Variants in RNLS observed in about 807,000 individuals in gnomAD.
RNLS encodes renalase.
Under a neutral mutation model 39.8 loss-of-function variants are expected in RNLS, and 39 were observed. The ratio of observed to expected loss-of-function variants is 0.98; its 90% confidence interval spans 0.76 to 1.28. The LOEUF is 1.28. Among genes scored for constraint, RNLS ranks in the 50% most tolerant of loss-of-function variants. RNLS has a pLI of 0.00. For missense variants in RNLS, 410 were observed against 413.3 expected (o/e 0.99, Z 0.07); for synonymous variants, 147 against 150.7 (o/e 0.98, Z 0.18).
At chr10:88,365,990 C>T (rs1291032098) in intron 4 of RNLS, among the ~76,000 whole-genome samples, 1 of 152,106 alleles carries the variant, frequency 6.6e-6, no homozygotes, top group Non-Finnish European at 1.5e-5. Context: ...TTCATCCATC[C>T]ATCCATCCAT....
chr10:88,336,606 T>C (rs1847519291), intron 5 of RNLS, among the ~76,000 whole-genome samples: 1 of 152,254 alleles, frequency 6.6e-6, no homozygotes, highest in African/African-American at 2.4e-5. Context: ...TATACAAGTT[T>C]AGGAAATAAT....
intron 4 of RNLS, among the ~76,000 whole-genome samples, chr10:88,515,385 G>A (rs774601391): frequency 2.0e-5 from 3 of 152,060 alleles, no homozygotes; most frequent in Non-Finnish European, 4.4e-5. Flanking sequence ...ATTATGCCAT[G>A]TCTTTCCCAT....
At chr10:88,252,093 A>G in the RNLS span, among the ~76,000 whole-genome samples, 1 of 152,232 alleles carries the variant, frequency 6.6e-6, no homozygotes, top group Non-Finnish European at 1.5e-5. Context: ...CAGGTACACT[A>G]GCAAACTGCT....
chr10:88,525,250 C>T (rs546501524), intron 4 of RNLS, among the ~76,000 whole-genome samples: 17 of 151,476 alleles, frequency 1.1e-4, no homozygotes, highest in Admixed American at 3.3e-4. Flanking sequence ...CTATGGAACA[C>T]GAGAGAACCT....
the RNLS span, among the ~76,000 whole-genome samples, chr10:88,255,889 G>A: frequency 6.6e-6 from 1 of 152,234 alleles, no homozygotes; most frequent in Non-Finnish European, 1.5e-5. Context: ...TGGAGGGAAA[G>A]CAGCCCTGTG....
intron 4 of RNLS, among the ~76,000 whole-genome samples, chr10:88,417,559 T>C (rs964466835): frequency 6.6e-6 from 1 of 152,194 alleles, no homozygotes; most frequent in African/African-American, 2.4e-5. Context: ...TAATACAGCA[T>C]GTTTCCCAAA....
intron 4 of RNLS, among the ~76,000 whole-genome samples, chr10:88,484,952 T>C (rs565550247): frequency 1.3e-5 from 2 of 152,132 alleles, no homozygotes; most frequent in East Asian, 3.9e-4. Context: ...ATATATCTCA[T>C]ATATTTTGTC....
chr10:88,569,480 C>G (rs1241690042), intron 4 of RNLS, among the ~76,000 whole-genome samples: 1 of 152,144 alleles, frequency 6.6e-6, no homozygotes, highest in Non-Finnish European at 1.5e-5. Flanking sequence ...TGTCAATTCA[C>G]ATTCCTGGCA....
At chr10:88,479,632 A>G (rs1309671405) in intron 4 of RNLS, among the ~76,000 whole-genome samples, 1 of 152,078 alleles carries the variant, frequency 6.6e-6, no homozygotes, top group Non-Finnish European at 1.5e-5. Context: ...ACAGCTGTTG[A>G]TTCTTAGCCT....
intron 4 of RNLS, among the ~76,000 whole-genome samples, chr10:88,522,777 T>G (rs1243915609): frequency 6.6e-6 from 1 of 152,108 alleles, no homozygotes; most frequent in African/African-American, 2.4e-5. Context: ...CACCATTTAT[T>G]TAACCTAAGA....
chr10:88,496,709 G>C (rs756053127), intron 4 of RNLS, among the ~76,000 whole-genome samples: 1 of 152,078 alleles, frequency 6.6e-6, no homozygotes, highest in Non-Finnish European at 1.5e-5. Context: ...AGAGGAGAAG[G>C]GTTAAAGCTG....
chr10:88,299,913 A>G (rs1414028535), intron 6 of RNLS, among the ~76,000 whole-genome samples: 2 of 152,264 alleles, frequency 1.3e-5, no homozygotes, highest in Non-Finnish European at 2.9e-5. Context: ...GTGAGGATCA[A>G]ATGAAAACAA....
chr10:88,394,937 G>A (rs1456190460), intron 4 of RNLS, among the ~76,000 whole-genome samples: 2 of 151,890 alleles, frequency 1.3e-5, no homozygotes, highest in Non-Finnish European at 1.5e-5. Flanking sequence ...GCAAACTATT[G>A]CAAGGACAAA....
intron 4 of RNLS, among the ~76,000 whole-genome samples, chr10:88,450,178 G>A (rs1842286548): frequency 6.6e-6 from 1 of 152,154 alleles, no homozygotes; most frequent in South Asian, 2.1e-4. Flanking sequence ...AGGAACAAGG[G>A]GTGGGGATTG....
chr10:88,528,385 T>C (rs1215061280), intron 4 of RNLS, among the ~76,000 whole-genome samples: 2 of 152,096 alleles, frequency 1.3e-5, no homozygotes, highest in Non-Finnish European at 2.9e-5. Context: ...TATGTACTTA[T>C]TAGGAAGCTG....
chr10:88,328,788 G>A (rs1846845698), intron 5 of RNLS, among the ~76,000 whole-genome samples: 2 of 152,004 alleles, frequency 1.3e-5, no homozygotes, highest in African/African-American at 4.8e-5. Flanking sequence ...TACAGTTAAT[G>A]TTTGTTTTTA....
chr10:88,452,614 C>T (rs963366095), intron 4 of RNLS, among the ~76,000 whole-genome samples: 1 of 152,096 alleles, frequency 6.6e-6, no homozygotes, highest in Admixed American at 6.5e-5. Flanking sequence ...CTGGGCTCTG[C>T]GACTTAGAAA....
At chr10:88,238,222 GA>G in the RNLS span, among the ~76,000 whole-genome samples, 3 of 152,152 alleles carry the variant, frequency 2.0e-5, no homozygotes, top group African/African-American at 7.2e-5. Flanking sequence ...ATGAATTTTA[GA>G]ACATATGTGT....
chr10:88,405,830 T>C (rs1853228298), intron 4 of RNLS, among the ~76,000 whole-genome samples: 1 of 152,146 alleles, frequency 6.6e-6, no homozygotes, highest in African/African-American at 2.4e-5. Flanking sequence ...GAGTGATTTA[T>C]ACTTTAAAGA....
Sources: allele counts gnomAD v4.1 joint callset (sites outside exome capture counted in the v4.1 genomes callset), GRCh38; gene constraint gnomAD v4.1.1; transcripts MANE v1.5; gene names NCBI Gene and HGNC (gene_info 2026-07-23, HGNC 2026-07-21).